Variants in CRYBG1 observed in about 807,000 individuals in gnomAD.
CRYBG1 encodes the protein crystallin beta-gamma domain containing 1.
In CRYBG1, 139 loss-of-function variants were observed where a neutral mutation model predicts 189.2. The ratio of observed to expected loss-of-function variants is 0.73; its 90% CI spans 0.64 to 0.85. The LOEUF is 0.85. Among genes scored for constraint, CRYBG1 ranks in the 40% least tolerant of loss-of-function variants. CRYBG1 has a pLI of 0.00. For missense variants in CRYBG1, 2,611 were observed against 2,675.8 expected (o/e 0.98, Z 0.53); for synonymous variants, 1,023 against 1,017.1 (o/e 1.01, Z -0.11).
chr6:106,509,571 G>A (rs960590636), intron 2 of CRYBG1, among the ~76,000 whole-genome samples: 1 of 152,092 alleles, frequency 6.6e-6, no homozygotes, highest in African/African-American at 2.4e-5. Flanking sequence ...CCCACCAGGC[G>A]CTTCTAAGAC....
At chr6:106,370,478 C>G (rs1770001834) in intron 1 of CRYBG1, among the ~76,000 whole-genome samples, 1 of 152,168 alleles carries the variant, frequency 6.6e-6, no homozygotes, top group African/African-American at 2.4e-5. Flanking sequence ...CTCTAGAAGC[C>G]CTGCTGCTTG....
At chr6:106,510,378 T>C (rs1401729545) in intron 2 of CRYBG1, among the ~76,000 whole-genome samples, 1 of 152,212 alleles carries the variant, frequency 6.6e-6, no homozygotes, top group East Asian at 1.9e-4. Flanking sequence ...CCGCGCCCAT[T>C]GGCGGGTTTG....
intron 1 of CRYBG1, among the ~76,000 whole-genome samples, chr6:106,425,425 T>C (rs995838471): frequency 8.5e-5 from 13 of 152,202 alleles, no homozygotes; most frequent in Non-Finnish European, 2.9e-5. Flanking sequence ...TGACATTCTA[T>C]ACTTGCAGTT....
At chr6:106,402,019 C>A (rs1203923531) in intron 1 of CRYBG1, among the ~76,000 whole-genome samples, 1 of 143,378 alleles carries the variant, frequency 7.0e-6, no homozygotes, top group Non-Finnish European at 1.5e-5. Flanking sequence ...AAACAGAGAG[C>A]CAAATCATGA....
chr6:106,535,590 T>C (rs13218960), intron 8 of CRYBG1, among the ~76,000 whole-genome samples: 45,643 of 151,932 alleles, frequency 0.3, 7,177 homozygotes, highest in South Asian at 0.37. Context: ...TGTTCAATAG[T>C]CCATCACCAA....
Position 106,563,852 on chromosome 6 carries a change from G to A in CRYBG1, c.6227G>A (p.Ser2076Asn), listed in dbSNP as rs781300445. 8 of 1,613,850 alleles carry A rather than the reference G, an allele frequency of 5.0e-6. No homozygotes were observed. Among genetic ancestry groups the A allele is most frequent in the Non-Finnish European group, 5.9e-6 (7 of 1,179,726 alleles). Reference sequence around the variant, plus strand: ...CTGGCCCTGGACCAGAATGCTGACAGCCAGTTCTGGAGCTTGAAGTCCGAT... The same window carrying A: ...CTGGCCCTGGACCAGAATGCTGACAACCAGTTCTGGAGCTTGAAGTCCGAT... The part of the protein sequence containing the change: ...LGLALDQNAD[S>N]QFWSLKSDGR... The change falls in exon 21 of 22, where the codon AGC becomes AAC. Residue 2076 changes from serine (S) to asparagine (N), a missense_variant. Ser to Asn is a conservative substitution (Grantham distance 46, BLOSUM62 1). Around this residue, in one of 3 missense-constraint regions of CRYBG1, gnomAD observed 1,622 missense variants for 1,735.0 expected, o/e 0.93. Transcript: ENST00000633556.
At chr6:106,516,726 A>G (rs1007725265) in intron 3 of CRYBG1, among the ~76,000 whole-genome samples, 1 of 152,220 alleles carries the variant, frequency 6.6e-6, no homozygotes, top group Admixed American at 6.5e-5. Flanking sequence ...GGTATAGTCC[A>G]AGCCTATCTG....
intron 1 of CRYBG1, among the ~76,000 whole-genome samples, chr6:106,436,437 T>C (rs1192351244): frequency 1.3e-5 from 2 of 152,156 alleles, no homozygotes; most frequent in Non-Finnish European, 2.9e-5. Flanking sequence ...TTGCTGGGAC[T>C]ACAGGCGCCG....
At chr6:106,459,221 C>T (rs184148773) in intron 2 of CRYBG1, among the ~76,000 whole-genome samples, 68 of 152,286 alleles carry the variant, frequency 4.5e-4, no homozygotes, top group Admixed American at 2.7e-3. Context: ...TTCTTTGAGG[C>T]ACTGACTATG....
At chr6:106,541,276 G>C (rs1031065821) in intron 9 of CRYBG1, 1 of 526,846 alleles carries the variant, frequency 1.9e-6, no homozygotes, top group Admixed American at 2.3e-5. Flanking sequence ...TCAGCTCTTG[G>C]AACTGCTTTT....
chr6:106,513,015 C>T lies in CRYBG1; in HGVS notation c.1898C>T (p.Ser633Leu). The change falls in exon 3 of 22, where the codon TCG (serine) becomes TTG (leucine). Residue 633 changes from serine (S) to leucine (L), a missense_variant. Physicochemically the swap from Ser to Leu is moderately radical, Grantham distance 145. Transcript: ENST00000633556. Reference sequence around the variant, plus strand: ...AGGAACCATTTCGGCGTGGGCAGGTCGACAGTGACCACTAAAGTGACCCTG... The same window carrying T: ...AGGAACCATTTCGGCGTGGGCAGGTTGACAGTGACCACTAAAGTGACCCTG... ...KPRNHFGVGR[S>L]TVTTKVTLPA... is the part of the protein sequence containing the mutation. The T allele has an allele frequency of 6.2e-7, 1 of 1,605,272 alleles. No individual in the cohort carries two copies. The highest frequency in any genetic ancestry group is 8.5e-7 in the Non-Finnish European group (1 of 1,179,688).
chr6:106,511,687 C>G lies in CRYBG1; in HGVS notation c.570C>G (p.Pro190=), dbSNP rs1411603706. 1 of 1,535,370 alleles carries G rather than the reference C, an allele frequency of 6.5e-7. No individual in the cohort carries two copies. The highest frequency in any genetic ancestry group is 2.0e-5 in the Admixed American group (1 of 50,954). The change falls in exon 3 of 22, where the codon CCC becomes CCG. Residue 190 remains proline, a synonymous_variant. Transcript: ENST00000633556. ...AGGAGGGCTCCCCGCGGGAGAATCCCCGAGAGGCAGAGGGCGAGCTCCCCG... is the reference window on the plus strand; with the variant it reads ...AGGAGGGCTCCCCGCGGGAGAATCCGCGAGAGGCAGAGGGCGAGCTCCCCG... The part of the protein sequence containing the change: ...TSEEGSPREN[P]REAEGELPES...
chr6:106,563,727 T>A (rs1249185383), intron 20 of CRYBG1, 37 bp from the exon 21 acceptor site: 3 of 1,574,330 alleles, frequency 1.9e-6, no homozygotes, highest in African/African-American at 2.7e-5. Flanking sequence ...TACAGCTGGA[T>A]ACATATTTAA....
In CRYBG1 at chr6:106,522,419, TAGAG is replaced by T. The variant is rs538619144; in HGVS notation, c.4245+970_4245+973del. On this transcript the variant is annotated intron_variant, in intron 4 of 21. Transcript: ENST00000633556. ...TTTCATTGGATCTTTTCTTAAATATTAGAGAGAAGACAGCAAAACATGATTTTGG... is the reference window on the plus strand; with the variant it reads ...TTTCATTGGATCTTTTCTTAAATATTAGAAGACAGCAAAACATGATTTTGG... Among the ~76,000 whole-genome samples the T allele has an allele frequency of 3.9e-4, 60 of 152,366 alleles. 2 individuals are homozygous for T. The South Asian group carries it at 6.8e-3, about 17-fold the overall frequency.
intron 2 of CRYBG1, among the ~76,000 whole-genome samples, chr6:106,490,955 A>G (rs1772708629): frequency 6.6e-6 from 1 of 152,244 alleles, no homozygotes; most frequent in Non-Finnish European, 1.5e-5. Flanking sequence ...GAAAGTAACT[A>G]AAACTGGCAG....
chr6:106,484,523 T>G (rs914893124), intron 2 of CRYBG1, among the ~76,000 whole-genome samples: 1 of 152,220 alleles, frequency 6.6e-6, no homozygotes, highest in African/African-American at 2.4e-5. Flanking sequence ...TCTTGCCATG[T>G]TGCCCAGGCT....
intron 1 of CRYBG1, among the ~76,000 whole-genome samples, chr6:106,426,230 C>T (rs371213014): frequency 1.3e-5 from 2 of 152,310 alleles, no homozygotes; most frequent in South Asian, 2.1e-4. Context: ...GCCTTTCACT[C>T]GTGCTCCTGA....
rs756297940 is a variant in CRYBG1, at chr6:106,512,244, T to TA, written c.1129dup (p.Thr377AsnfsTer8). The TA allele has an allele frequency of 1.9e-6, 3 of 1,544,846 alleles. No individual in the cohort carries two copies. In the Middle Eastern group the frequency reaches 5.0e-4, roughly 258 times the overall value. ...GGTCACGCCCACCCTGCTAAGGTGC[T>TA]AACTTTGGACATCTACTTGAGTAAG... On this transcript the variant is annotated frameshift_variant, in exon 3 of 22. Transcript: ENST00000633556. LOFTEE classifies it high-confidence loss of function.
intron 2 of CRYBG1, among the ~76,000 whole-genome samples, chr6:106,499,729 G>C (rs1335596692): frequency 6.6e-6 from 1 of 151,986 alleles, no homozygotes; most frequent in Non-Finnish European, 1.5e-5. Flanking sequence ...TAATACATTA[G>C]TATTAACTAT....
Sources: gnomAD v4.1 joint callset for allele counts (sites outside exome capture counted in the v4.1 genomes callset) on GRCh38, gnomAD v4.1.1 for gene constraint, gnomAD v4.1.1 regional missense constraint, MANE v1.5 for transcripts, NCBI Gene and HGNC (gene_info 2026-07-23, HGNC 2026-07-21) for gene names.